COL22A1: variants seen among roughly 807,000 people sequenced by gnomAD.
COL22A1 encodes the protein collagen alpha-1(XXII) chain.
In COL22A1, 221 loss-of-function variants were observed where a neutral mutation model predicts 248.9. That is an observed-to-expected ratio of 0.89 (90% CI 0.80 to 0.99). COL22A1 has a LOEUF of 0.99. COL22A1 is among the 50% of genes least tolerant of loss of function. The pLI, the probability that COL22A1 is intolerant of heterozygous loss-of-function variation, is 0.00. For synonymous variants in COL22A1, 891 were observed against 793.4 expected (o/e 1.12, Z -2.07); for missense variants, 2,240 against 2,179.0 (o/e 1.03, Z -0.56).
At chr8:138,819,222 C>T (rs868191237) in intron 7 of COL22A1, among the ~76,000 whole-genome samples, 1 of 152,258 alleles carries the variant, frequency 6.6e-6, no homozygotes, top group Admixed American at 6.5e-5. Flanking sequence ...TCCCAACTTA[C>T]TCATTTTTCC....
At chr8:138,788,447 A>G (rs1328902102) in intron 12 of COL22A1, among the ~76,000 whole-genome samples, 4 of 152,248 alleles carry the variant, frequency 2.6e-5, no homozygotes, top group African/African-American at 9.6e-5. Context: ...AAGTTAAACT[A>G]AATAGCACAT....
Position 138,693,672 on chromosome 8 carries a change from C to T in COL22A1, c.2728G>A (p.Gly910Arg). The T allele has an allele frequency of 6.3e-7, 1 of 1,585,528 alleles. No homozygotes were observed. Among genetic ancestry groups the T allele is most frequent in the Non-Finnish European group, 8.6e-7 (1 of 1,165,662 alleles). The change falls in exon 35 of 65, where the codon GGG becomes AGG. Residue 910 changes from glycine (G) to arginine (R), a missense_variant. Coordinates refer to ENST00000303045, the MANE Select transcript of COL22A1 (RefSeq NM_152888.3). Reference sequence around the variant, plus strand: ...GGGTTTCCAGCTGCTCCAGGAGCCCCATGTGCACCTTCCTGTCCCTTGGCA... The same window carrying T: ...GGGTTTCCAGCTGCTCCAGGAGCCCTATGTGCACCTTCCTGTCCCTTGGCA... ...PGAKGQEGAH[G>R]APGAAGNPGA... is the part of the protein sequence containing the mutation.
At chr8:138,685,481 G>A (rs140815911) in intron 37 of COL22A1, among the ~76,000 whole-genome samples, 169 bp from the exon 38 acceptor site, 1 of 152,282 alleles carries the variant, frequency 6.6e-6, no homozygotes, top group East Asian at 1.9e-4. Context: ...GTGTGTTATA[G>A]GTTACATTGT....
intron 18 of COL22A1, 78 bp from the exon 19 acceptor site, chr8:138,755,907 T>C (rs1294711575): frequency 2.3e-6 from 3 of 1,291,690 alleles, no homozygotes; most frequent in Non-Finnish European, 3.4e-6. Context: ...TGAGGCTTAT[T>C]CTTGTGGGCC....
At chr8:138,740,231 C>T (rs994511723) in intron 22 of COL22A1, among the ~76,000 whole-genome samples, 4 of 152,074 alleles carry the variant, frequency 2.6e-5, no homozygotes, top group African/African-American at 4.8e-5. Context: ...GAATAATCAT[C>T]GGAAGTTAGA....
intron 45 of COL22A1, among the ~76,000 whole-genome samples, chr8:138,651,622 A>C (rs539679979): frequency 8.5e-5 from 13 of 152,094 alleles, no homozygotes; most frequent in African/African-American, 3.1e-4. Flanking sequence ...ACTTTGCTTG[A>C]AAGAGTAGCA....
intron 10 of COL22A1, 129 bp downstream of exon 10, chr8:138,807,639 A>G (rs1817839381): frequency 1.2e-6 from 1 of 827,622 alleles, no homozygotes; most frequent in Admixed American, 2.4e-5. Flanking sequence ...TTATCCATCT[A>G]ATTTAACAAG....
At chr8:138,707,442 T>C (rs560857940) in intron 30 of COL22A1, among the ~76,000 whole-genome samples, 15 of 152,230 alleles carry the variant, frequency 9.9e-5, no homozygotes, top group African/African-American at 3.6e-4. Flanking sequence ...TCCATCATGA[T>C]CAAATTGGCT....
chr8:138,879,690 CAAAAAAAAAAAA>C (rs372214665), intron 2 of COL22A1, among the ~76,000 whole-genome samples: 2 of 99,044 alleles, frequency 2.0e-5, no homozygotes, highest in South Asian at 3.5e-4. Flanking sequence ...GACACTCTCT[CAAAAAAAAAAAA>C]AAAAAAAAAA....
At chr8:138,629,936 A>G (rs1820570111) in intron 50 of COL22A1, among the ~76,000 whole-genome samples, 1 of 152,042 alleles carries the variant, frequency 6.6e-6, no homozygotes, top group South Asian at 2.1e-4. Flanking sequence ...CACTTCTCCA[A>G]TCCCCACTTT....
intron 6 of COL22A1, among the ~76,000 whole-genome samples, chr8:138,825,203 A>C (rs1009371054): frequency 5.3e-5 from 8 of 152,080 alleles, no homozygotes; most frequent in African/African-American, 1.9e-4. Flanking sequence ...AAGAATCCCA[A>C]CTCCTCCATT....
chr8:138,663,607 A>G, intron 42 of COL22A1, 98 bp downstream of exon 42: 2 of 909,362 alleles, frequency 2.2e-6, no homozygotes, highest in Non-Finnish European at 1.8e-6. Context: ...AAATTTCAGA[A>G]TCTACTTCAG....
intron 1 of COL22A1, among the ~76,000 whole-genome samples, chr8:138,906,345 G>A (rs532172295): frequency 2.2e-4 from 32 of 146,572 alleles, no homozygotes; most frequent in Non-Finnish European, 4.3e-4. Flanking sequence ...ACTCCAGCCT[G>A]GGTGACAGAG....
intron 1 of COL22A1, among the ~76,000 whole-genome samples, chr8:138,897,826 A>G (rs918425131): frequency 2.6e-5 from 4 of 151,560 alleles, no homozygotes; most frequent in Non-Finnish European, 5.9e-5. Flanking sequence ...TGAACTAGAG[A>G]TCATGTCTTT....
rs777406549 is a variant in COL22A1 at position 138,591,446 on chromosome 8, C to T, written c.4671G>A (p.Glu1557=). Reference sequence around the variant, plus strand: ...TACCTGGGATTCCAGGGGGTCCCATCTCGCCTCGGAGGCCAACTCCAGGTG... The same window carrying T: ...TACCTGGGATTCCAGGGGGTCCCATTTCGCCTCGGAGGCCAACTCCAGGTG... ...PGAPGVGLRG[E]MGPPGIPGQP... is the part of the protein sequence containing the mutation. The change falls in exon 64 of 65, where the codon GAG becomes GAA. Residue 1557 remains glutamate (E), a synonymous_variant. Transcript: ENST00000303045. 1.9e-6 allele frequency: 3 copies of T among 1,582,042 alleles called. No homozygotes were observed. Among genetic ancestry groups the T allele is most frequent in the Non-Finnish European group, 2.6e-6 (3 of 1,163,984 alleles).
intron 22 of COL22A1, among the ~76,000 whole-genome samples, chr8:138,747,707 T>G (rs1462405894): frequency 6.6e-6 from 1 of 152,192 alleles, no homozygotes; most frequent in Admixed American, 6.5e-5. Context: ...GGGCAGGAGC[T>G]TCCTTCTTCC....
At chr8:138,845,018 G>A (rs191966190) in intron 3 of COL22A1, among the ~76,000 whole-genome samples, 103 of 151,186 alleles carry the variant, frequency 6.8e-4, no homozygotes, top group African/African-American at 2.4e-3. Context: ...GGATGTCAAT[G>A]AAATGGAAAT....
chr8:138,873,710 C>G (rs959222876), intron 3 of COL22A1, among the ~76,000 whole-genome samples: 4 of 152,212 alleles, frequency 2.6e-5, no homozygotes, highest in Admixed American at 6.5e-5. Flanking sequence ...GGCACCTGGC[C>G]TGTGTCCAGC....
intron 25 of COL22A1, among the ~76,000 whole-genome samples, chr8:138,724,114 C>T (rs114483860): frequency 0.01 from 1,558 of 152,314 alleles, 26 homozygotes; most frequent in African/African-American, 0.035. Flanking sequence ...TGCAAGCCAA[C>T]TTTAACTGTG....
Sources: allele counts gnomAD v4.1 joint callset (sites outside exome capture counted in the v4.1 genomes callset), GRCh38; gene constraint gnomAD v4.1.1; transcripts MANE v1.5; gene names NCBI Gene and HGNC (gene_info 2026-07-23, HGNC 2026-07-21).